COL4A4: variants seen among roughly 807,000 people sequenced by gnomAD.
The protein encoded by COL4A4 is collagen type IV alpha 4 chain, also known as collagen alpha-4(IV) chain.
COL4A4 carries 105 observed loss-of-function variants against 192.9 expected under a neutral mutation model. The observed-to-expected ratio is 0.54, with a 90% confidence interval of 0.46 to 0.64. The LOEUF (loss-of-function observed/expected upper bound fraction) is 0.64. COL4A4 is among the 30% of genes least tolerant of loss of function. The pLI is 0.00. For missense variants in COL4A4, 1,967 were observed against 2,169.3 expected, an observed-to-expected ratio of 0.91 and a Z score of 1.85; for synonymous variants, 762 against 769.9, an observed-to-expected ratio of 0.99 and a Z score of 0.17.
chr2:226,995,454 C>G, the COL4A4 span: 9 of 1,612,754 alleles, frequency 5.6e-6, no homozygotes, highest in Non-Finnish European at 7.6e-6. Context: ...TAGCCCACCA[C>G]CCTACGGGTT....
the COL4A4 span, chr2:226,997,444 G>A: frequency 6.6e-6 from 1 of 152,096 alleles, no homozygotes; most frequent in South Asian, 2.1e-4. Context: ...TTCTACGTGG[G>A]AACATGGATT....
the COL4A4 span, among the ~76,000 whole-genome samples, chr2:226,985,146 C>T: frequency 1.3e-4 from 20 of 152,296 alleles, no homozygotes; most frequent in South Asian, 1.9e-3. Context: ...TAGGAGGCTC[C>T]GGATCATTCC....
intron 22 of COL4A4, among the ~76,000 whole-genome samples, chr2:227,085,333 TC>T (rs2059544480): frequency 6.6e-6 from 1 of 152,092 alleles, no homozygotes; most frequent in Non-Finnish European, 1.5e-5. Flanking sequence ...AACCTTGTGT[TC>T]ATAAACTTCT....
chr2:227,072,037 C>T (rs2058751157), intron 25 of COL4A4, among the ~76,000 whole-genome samples: 1 of 151,468 alleles, frequency 6.6e-6, no homozygotes, highest in Non-Finnish European at 1.5e-5. Flanking sequence ...GAAGAAATAA[C>T]AAAGATCAGA....
chr2:227,004,038 A>ATGTT lies in COL4A4; in HGVS notation c.*3283_*3286dup, dbSNP rs1271420270. 1.3e-5 allele frequency: 2 copies of ATGTT among 152,218 alleles called. No homozygotes were observed. The highest frequency in any genetic ancestry group is 2.4e-5 in the African/African-American group (1 of 41,456). The allele number at this position is 152,218 out of a possible 1,614,324, so 9.4% of individuals were successfully genotyped here. A position where few individuals can be genotyped will look rare whatever the true frequency, so the allele number is the denominator to read the frequency against. On this transcript the variant is annotated 3_prime_UTR_variant, in exon 48 of 48. Coordinates refer to ENST00000396625, the MANE Select transcript of COL4A4 (RefSeq NM_000092.5). ...AGAGCTGAACACCTAATGCCTAATGATGTTTATGGAATTGTCATTGAAAAA... is the reference window on the plus strand; with the variant it reads ...AGAGCTGAACACCTAATGCCTAATGATGTTTGTTTATGGAATTGTCATTGAAAAA...
intron 35 of COL4A4, among the ~76,000 whole-genome samples, chr2:227,044,401 CATAAAAT>C (rs1972025223): frequency 6.6e-6 from 1 of 152,130 alleles, no homozygotes; most frequent in South Asian, 2.1e-4. Context: ...TGAATCTGCA[CATAAAAT>C]ATATGTCTCT....
chr2:227,132,182 G>C (rs937089486), intron 4 of COL4A4, among the ~76,000 whole-genome samples: 1 of 152,162 alleles, frequency 6.6e-6, no homozygotes, highest in Non-Finnish European at 1.5e-5. Flanking sequence ...AAGCAAGCCA[G>C]GGCACCAAAT....
At position 227,007,264 on chromosome 2, in the gene COL4A4, T is replaced by TA; in HGVS notation, c.*60dup. ...CACCATGACATCTCTTAGCACAGTC[T>TA]AGGAAGTCTTAGCCCCCTAGGAAGT... On this transcript the variant is annotated 3_prime_UTR_variant, in exon 48 of 48. Transcript: ENST00000396625. The TA allele has an allele frequency of 6.2e-7, 1 of 1,608,634 alleles. No homozygotes were observed. The highest frequency in any genetic ancestry group is 8.5e-7 in the Non-Finnish European group (1 of 1,175,520).
the COL4A4 span, among the ~76,000 whole-genome samples, chr2:226,973,237 G>T: frequency 1.3e-5 from 2 of 152,204 alleles, no homozygotes; most frequent in African/African-American, 2.4e-5. Context: ...TTAATTTGTA[G>T]CAGGAATCCC....
chr2:227,065,700 A>T (rs189204137), intron 25 of COL4A4, among the ~76,000 whole-genome samples: 1 of 152,362 alleles, frequency 6.6e-6, no homozygotes, highest in East Asian at 1.9e-4. Flanking sequence ...AACAGAAAGG[A>T]CATCTACACC....
chr2:226,990,567 T>C, the COL4A4 span, among the ~76,000 whole-genome samples: 1 of 152,078 alleles, frequency 6.6e-6, no homozygotes, highest in Admixed American at 6.5e-5. Context: ...TGGCGAACGG[T>C]AGGGAAAATG....
At chr2:226,995,550 T>C in the COL4A4 span, 2 of 1,464,202 alleles carry the variant, frequency 1.4e-6, no homozygotes, top group Admixed American at 3.5e-5. Context: ...ACATGGCCTA[T>C]TCGTGTAATT....
chr2:226,972,287 C>T, the COL4A4 span, among the ~76,000 whole-genome samples: 1 of 152,130 alleles, frequency 6.6e-6, no homozygotes, highest in Admixed American at 6.6e-5. Flanking sequence ...CATAGTATTC[C>T]ATGGTGTATA....
intron 30 of COL4A4, 113 bp downstream of exon 30, chr2:227,055,832 C>A (rs564266819): frequency 2.0e-6 from 2 of 977,448 alleles, no homozygotes; most frequent in Admixed American, 2.2e-5. Context: ...AAGGGAAGGA[C>A]AAAGCCAGAC....
intron 25 of COL4A4, among the ~76,000 whole-genome samples, chr2:227,070,396 G>A (rs1042806393): frequency 6.6e-6 from 1 of 152,098 alleles, no homozygotes; most frequent in African/African-American, 2.4e-5. Context: ...TATAAATCAT[G>A]CTGCTTTAAA....
intron 25 of COL4A4, among the ~76,000 whole-genome samples, chr2:227,070,914 T>C (rs2058684611): frequency 6.8e-6 from 1 of 147,808 alleles, no homozygotes; most frequent in Non-Finnish European, 1.5e-5. Context: ...CTAAAAGGAG[T>C]TCTAAACCTT....
downstream of COL4A4, chr2:226,998,435 A>G (rs1177950000): frequency 6.6e-6 from 1 of 152,214 alleles, no homozygotes; most frequent in Non-Finnish European, 1.5e-5. Flanking sequence ...TAGCTGGCAG[A>G]CCTGGCCTCC....
rs1365404056 is a variant in COL4A4, at chr2:227,057,532, G to A, written c.2452C>T (p.Pro818Ser). 1 of 1,613,998 alleles carries A rather than the reference G, an allele frequency of 6.2e-7. No individual in the cohort carries two copies. The highest frequency in any genetic ancestry group is 1.1e-5 in the South Asian group (1 of 90,996). Reference protein sequence around the residue: ...PKGREGHAGFPGVPGPPGHSC... With the variant: ...PKGREGHAGFSGVPGPPGHSC... ...TGGCCAGGTGGACCTGGGACACCTG[G>A]AAACCCAGCATGTCCCTCTCTGCCT... The change falls in exon 29 of 48, where the codon CCA (proline) becomes TCA (serine). Residue 818 changes from proline (P) to serine (S), a missense_variant. Transcript: ENST00000396625.
At chr2:227,151,149 C>T (rs542214951) in intron 1 of COL4A4, among the ~76,000 whole-genome samples, 1 of 152,194 alleles carries the variant, frequency 6.6e-6, no homozygotes, top group East Asian at 1.9e-4. Context: ...ATTTCCATTC[C>T]ATTCCCCCAC....
Sources: allele counts gnomAD v4.1 joint callset (sites outside exome capture counted in the v4.1 genomes callset), GRCh38; gene constraint gnomAD v4.1.1; transcripts MANE v1.5; gene names NCBI Gene and HGNC (gene_info 2026-07-23, HGNC 2026-07-21).